The following RNGTT variants were observed in gnomAD, a reference collection of about 807,000 sequenced individuals.
RNGTT encodes the protein mRNA-capping enzyme.
Under a neutral mutation model 79.3 loss-of-function variants are expected in RNGTT, and 33 were observed. That is an observed-to-expected ratio of 0.42 (90% CI 0.32 to 0.56). RNGTT has a LOEUF of 0.56. RNGTT is among the 20% of genes least tolerant of loss of function. The pLI, the probability that RNGTT is intolerant of heterozygous loss-of-function variation, is 0.17. For synonymous variants in RNGTT, 222 were observed against 235.9 expected (o/e 0.94, Z 0.54); for missense variants, 497 against 739.1 (o/e 0.67, Z 3.80).
chr6:88,642,138 T>C (rs1048648816), intron 14 of RNGTT, among the ~76,000 whole-genome samples: 1 of 152,162 alleles, frequency 6.6e-6, no homozygotes, highest in Non-Finnish European at 1.5e-5. Flanking sequence ...GGTCAAAGCT[T>C]ATGGATGTAT....
At chr6:88,636,202 T>C (rs1773093683) in intron 14 of RNGTT, among the ~76,000 whole-genome samples, 1 of 151,738 alleles carries the variant, frequency 6.6e-6, no homozygotes, top group Non-Finnish European at 1.5e-5. Context: ...AAGCTCTCTC[T>C]GATACATACA....
At chr6:88,691,939 T>G (rs1176157496) in intron 13 of RNGTT, among the ~76,000 whole-genome samples, 1 of 152,202 alleles carries the variant, frequency 6.6e-6, no homozygotes, top group Non-Finnish European at 1.5e-5. Context: ...CATTCATCCC[T>G]TTCTTAGTAA....
At chr6:88,943,507 G>C (rs1784914310) in intron 1 of RNGTT, among the ~76,000 whole-genome samples, 1 of 151,938 alleles carries the variant, frequency 6.6e-6, no homozygotes, top group Admixed American at 6.6e-5. Context: ...GATATATAGT[G>C]GGTATGTACT....
At chr6:88,844,931 A>T (rs1483343700) in intron 10 of RNGTT, among the ~76,000 whole-genome samples, 1 of 152,106 alleles carries the variant, frequency 6.6e-6, no homozygotes, top group Non-Finnish European at 1.5e-5. Flanking sequence ...TCCAAATTTT[A>T]AAAAATAAAA....
chr6:88,956,316 G>A (rs1785430258), intron 1 of RNGTT, among the ~76,000 whole-genome samples: 1 of 151,600 alleles, frequency 6.6e-6, no homozygotes, highest in South Asian at 2.1e-4. Flanking sequence ...GAGAAACTCT[G>A]AACAGACTAA....
Position 88,801,612 on chromosome 6 carries a change from G to C in RNGTT, c.1290C>G (p.Ala430=), listed in dbSNP as rs373661527. 2 of 1,611,112 alleles carry C rather than the reference G, an allele frequency of 1.2e-6. No homozygotes were observed. ...CATCCATTTCATGGCTCACTTCTTT[G>C]GCAAAATTTCCTTCAAGTAGCTATA... ...TSRKLLEGNF[A]KEVSHEMDGL... The change falls in exon 12 of 16, where the codon GCC becomes GCG. Residue 430 remains alanine (A), a synonymous_variant. Coordinates refer to ENST00000369485, the MANE Select transcript of RNGTT (RefSeq NM_003800.5).
At chr6:88,726,820 A>C (rs1008854027) in intron 13 of RNGTT, among the ~76,000 whole-genome samples, 4 of 152,238 alleles carry the variant, frequency 2.6e-5, no homozygotes, top group Admixed American at 6.5e-5. Flanking sequence ...TATTAAAAGC[A>C]AAGAATAATT....
intron 15 of RNGTT, among the ~76,000 whole-genome samples, chr6:88,613,623 T>G (rs2127844829): frequency 6.6e-6 from 1 of 152,330 alleles, no homozygotes; most frequent in East Asian, 1.9e-4. Context: ...AAAAGTAAAG[T>G]TTGATTAACC....
intron 11 of RNGTT, among the ~76,000 whole-genome samples, chr6:88,828,609 A>G (rs1780747411): frequency 6.6e-6 from 1 of 152,144 alleles, no homozygotes; most frequent in Non-Finnish European, 1.5e-5. Context: ...CTAAAGAAGC[A>G]TGTTCTAACC....
At chr6:88,780,112 C>T (rs1779016106) in intron 12 of RNGTT, among the ~76,000 whole-genome samples, 1 of 152,078 alleles carries the variant, frequency 6.6e-6, no homozygotes, top group African/African-American at 2.4e-5. Context: ...TATTGAAATA[C>T]CCATTAGAAT....
At chr6:88,763,096 T>A (rs1217429489) in intron 13 of RNGTT, among the ~76,000 whole-genome samples, 1 of 107,380 alleles carries the variant, frequency 9.3e-6, no homozygotes, top group Non-Finnish European at 2.1e-5. Flanking sequence ...GCTTTTTTTT[T>A]TTTTTTTTTT....
intron 11 of RNGTT, among the ~76,000 whole-genome samples, chr6:88,819,900 A>C (rs1274462483): frequency 5.3e-5 from 8 of 152,114 alleles, no homozygotes; most frequent in Non-Finnish European, 1.2e-4. Context: ...TTCACCTTTC[A>C]AAAATTATTT....
intron 14 of RNGTT, among the ~76,000 whole-genome samples, chr6:88,631,498 A>G (rs1403392939): frequency 2.0e-5 from 3 of 152,200 alleles, no homozygotes; most frequent in Admixed American, 2.0e-4. Context: ...GGGAGCACTT[A>G]TATGCAGATC....
chr6:88,633,770 G>T (rs2127770428), intron 14 of RNGTT, among the ~76,000 whole-genome samples: 1 of 152,246 alleles, frequency 6.6e-6, no homozygotes, highest in South Asian at 2.1e-4. Context: ...GTAATTAGTA[G>T]TTGGATCAAC....
At chr6:88,777,871 C>T (rs368285366) in intron 12 of RNGTT, among the ~76,000 whole-genome samples, 2 of 152,042 alleles carry the variant, frequency 1.3e-5, no homozygotes, top group South Asian at 2.1e-4. Context: ...TGCCTTGTAC[C>T]GGATTTTACA....
intron 14 of RNGTT, among the ~76,000 whole-genome samples, chr6:88,668,662 A>G (rs999312278): frequency 5.3e-5 from 8 of 152,226 alleles, no homozygotes; most frequent in African/African-American, 1.9e-4. Context: ...CATGTGTCTT[A>G]CAACCTGTCT....
chr6:88,716,822 TG>T (rs1445314142), intron 13 of RNGTT, among the ~76,000 whole-genome samples: 11 of 151,124 alleles, frequency 7.3e-5, no homozygotes, highest in African/African-American at 2.7e-4. Flanking sequence ...TGTTGTGGGG[TG>T]GGGGGAGCAG....
intron 14 of RNGTT, among the ~76,000 whole-genome samples, chr6:88,673,802 A>G (rs1477311319): frequency 6.6e-6 from 1 of 152,242 alleles, no homozygotes; most frequent in East Asian, 1.9e-4. Flanking sequence ...TTGAGACACC[A>G]TGTAACTCAC....
chr6:88,868,689 C>CTTA (rs1782256273), intron 8 of RNGTT, among the ~76,000 whole-genome samples: 1 of 152,116 alleles, frequency 6.6e-6, no homozygotes, highest in African/African-American at 2.4e-5. Flanking sequence ...ATTTTCTTTT[C>CTTA]TTAAATACAC....
Sources: gnomAD v4.1 joint callset for allele counts (sites outside exome capture counted in the v4.1 genomes callset) on GRCh38, gnomAD v4.1.1 for gene constraint, MANE v1.5 for transcripts, NCBI Gene and HGNC (gene_info 2026-07-23, HGNC 2026-07-21) for gene names.